The following UHRF1 variants were observed in gnomAD, a reference collection of about 807,000 sequenced individuals.
UHRF1 encodes the protein E3 ubiquitin-protein ligase UHRF1.
UHRF1 carries 9 observed loss-of-function variants against 96.5 expected under a neutral mutation model. That is an observed-to-expected ratio of 0.09 (90% CI 0.06 to 0.16). The LOEUF is 0.16. Among genes scored for constraint, UHRF1 ranks in the 10% least tolerant of loss-of-function variants. UHRF1 has a pLI of 1.00. For missense variants in UHRF1, 626 were observed against 1,131.1 expected (o/e 0.55, Z 6.40); for synonymous variants, 455 against 469.9 (o/e 0.97, Z 0.41).
rs530010244 is a variant in UHRF1 at position 4,947,519 on chromosome 19, T to G, written c.1517+308T>G. On this transcript the variant is annotated intron_variant, in intron 11 of 16. Transcript: ENST00000650932. The stretch of plus-strand genomic sequence containing the variant: ...TTTTTTTTTTTTTTTTTTTTTTTTT[T>G]GGGCAGAGTCTCGCTCTGTTGCCCA... 3.8e-4 allele frequency among the ~76,000 whole-genome samples: 50 copies of G among 132,122 alleles called. No homozygotes were observed. The South Asian group carries it at 7.0e-3, about 19-fold the overall frequency. The allele number at this position is 132,122 out of a possible 152,430, so 86.7% of individuals were successfully genotyped here.
At chr19:4,952,374 G>C (rs371229959) in intron 13 of UHRF1, among the ~76,000 whole-genome samples, 10 of 143,510 alleles carry the variant, frequency 7.0e-5, no homozygotes, top group Admixed American at 2.1e-4. Context: ...GATTACAGGC[G>C]TAAGCCACCG....
chr19:4,909,376 G>A, upstream of UHRF1: 1 of 609,522 alleles, frequency 1.6e-6, no homozygotes, highest in Admixed American at 2.7e-5. Context: ...AGGCGGGGGC[G>A]CCCCCCACCC....
chr19:4,945,837 T>G, intron 9 of UHRF1, 24 bp from the exon 10 acceptor site: 3 of 1,569,282 alleles, frequency 1.9e-6, no homozygotes, highest in Non-Finnish European at 2.6e-6. Context: ...GAGGACACCA[T>G]GTATATCTTG....
chr19:4,950,749 C>T lies in UHRF1; in HGVS notation c.1656C>T (p.Gly552=). Residue 552 remains glycine (G), a synonymous_variant, in exon 12 of 17, where the codon GGC becomes GGT. Transcript: ENST00000650932. ...ATAGCAAGTACGCCCCCGCTGAGGG[C>T]AACCGCTACGATGGCATCTACAAGG... is the stretch of plus-strand genomic sequence containing the variant. ...GKNSKYAPAE[G]NRYDGIYKVV... is the part of the protein sequence containing the mutation. 1 of 1,610,272 alleles carries T rather than the reference C, an allele frequency of 6.2e-7. No homozygotes were observed. The highest frequency in any genetic ancestry group is 8.5e-7 in the Non-Finnish European group (1 of 1,178,078).
At chr19:4,921,588 G>A (rs545552924) in intron 2 of UHRF1, among the ~76,000 whole-genome samples, 1 of 152,066 alleles carries the variant, frequency 6.6e-6, no homozygotes, top group Non-Finnish European at 1.5e-5. Flanking sequence ...AACCCTGTCT[G>A]TACAAAAAAT....
chr19:4,949,989 G>C (rs2033673533), intron 11 of UHRF1, among the ~76,000 whole-genome samples: 1 of 151,658 alleles, frequency 6.6e-6, no homozygotes, highest in Non-Finnish European at 1.5e-5. Context: ...TCCCACCTCA[G>C]CCTCCAGAGT....
intron 5 of UHRF1, among the ~76,000 whole-genome samples, chr19:4,936,831 AAAAAC>A (rs2033230576): frequency 2.6e-5 from 4 of 152,130 alleles, no homozygotes; most frequent in African/African-American, 9.6e-5. Context: ...GAAAAGAAAA[AAAAAC>A]AGGCTGTGTA....
At chr19:4,938,041 C>T (rs190057446) in intron 5 of UHRF1, among the ~76,000 whole-genome samples, 23 of 152,080 alleles carry the variant, frequency 1.5e-4, no homozygotes, top group African/African-American at 5.1e-4. Flanking sequence ...GCAGCCCCAG[C>T]TACTTGGGAG....
At chr19:4,927,485 G>T (rs2032910741) in intron 2 of UHRF1, among the ~76,000 whole-genome samples, 1 of 152,118 alleles carries the variant, frequency 6.6e-6, no homozygotes, top group African/African-American at 2.4e-5. Flanking sequence ...GCAGAGAAGG[G>T]CCTTGGCCTT....
At chr19:4,939,792 A>G (rs918019463) in intron 5 of UHRF1, among the ~76,000 whole-genome samples, 1 of 152,116 alleles carries the variant, frequency 6.6e-6, no homozygotes, top group African/African-American at 2.4e-5. Flanking sequence ...TGGGGGGCCG[A>G]GGTGGGCGGA....
At position 4,929,391 on chromosome 19, in the gene UHRF1, C is replaced by T; in HGVS notation, c.323C>T (p.Ser108Phe). The T allele has an allele frequency of 6.2e-7, 1 of 1,613,776 alleles. No individual in the cohort carries two copies. The highest frequency in any genetic ancestry group is 8.5e-7 in the Non-Finnish European group (1 of 1,179,880). The change falls in exon 3 of 17, where the codon TCC (serine) becomes TTC (phenylalanine). Residue 108 changes from serine to phenylalanine, a missense_variant. Transcript: ENST00000650932. ...GGCCAGAGTGAGTCAGACAAGTCCT[C>T]CACCCACGGTGAGGCGGCCGCCGAG... Reference protein sequence around the residue: ...CLGQSESDKSSTHGEAAAETD... With the variant: ...CLGQSESDKSFTHGEAAAETD...
At chr19:4,907,442 T>C (rs1224580126), upstream of UHRF1, among the ~76,000 whole-genome samples, 1 of 151,726 alleles carries the variant, frequency 6.6e-6, no homozygotes, top group Non-Finnish European at 1.5e-5. Flanking sequence ...CTAATTTTTG[T>C]ATTTTTAGTA....
At position 4,951,006 on chromosome 19, in the gene UHRF1, G is replaced by T. The variant is rs1266215852; in HGVS notation, c.1818+10G>T. On this transcript the variant is annotated intron_variant, in intron 13 of 16. Coordinates refer to ENST00000650932, the MANE Select transcript of UHRF1 (RefSeq NM_001048201.3). The stretch of plus-strand genomic sequence containing the variant: ...GGGGCTGACCATGCAGGTGTGTCTG[G>T]GATGGGGGATGGCACTTTGGGAGGC... The T allele has an allele frequency of 5.0e-6, 8 of 1,593,760 alleles. No individual in the cohort carries two copies. The highest frequency in any genetic ancestry group is 6.8e-6 in the Non-Finnish European group (8 of 1,171,670).
rs754147829 is a variant in UHRF1, at chr19:4,930,834, C to T, written c.527C>T (p.Pro176Leu). Residue 176 changes from proline (P) to leucine (L), a missense_variant, in exon 4 of 17, where the codon CCG becomes CTG. Physicochemically the swap from Pro to Leu is moderately conservative, Grantham distance 98. This residue lies in a region of UHRF1 where 198 missense variants were observed against 235.1 expected (regional missense o/e 0.84). Transcript: ENST00000650932. The surrounding 1 kb of genome is among the most constrained non-coding windows in gnomAD (Gnocchi z 4.4). The stretch of plus-strand genomic sequence containing the variant: ...GAGCCCTGCAGCTCCACGTCCAGGC[C>T]GGCGCTGGAGGAGGACGTCATTTAC... ...RDEPCSSTSR[P>L]ALEEDVIYHV... is the part of the protein sequence containing the mutation. 5 of 1,613,940 alleles carry T rather than the reference C, an allele frequency of 3.1e-6. No homozygotes were observed. The highest frequency in any genetic ancestry group is 1.1e-5 in the South Asian group (1 of 91,072).
intron 1 of UHRF1, chr19:4,910,237 G>A (rs2032203674): frequency 6.6e-6 from 1 of 150,906 alleles, no homozygotes; most frequent in South Asian, 2.1e-4. Flanking sequence ...GCCGGGGGTT[G>A]GAGGTCGAGG....
At position 4,951,090 on chromosome 19, in the gene UHRF1, A is replaced by G. The variant is rs1202917068; in HGVS notation, c.1818+94A>G. ...AGACCAGCCTGGCCAACATGGTGAAACCTCATCTCTACTAAAAATACAAAA... is the reference window on the plus strand; with the variant it reads ...AGACCAGCCTGGCCAACATGGTGAAGCCTCATCTCTACTAAAAATACAAAA... On this transcript the variant is annotated intron_variant, in intron 13 of 16. Transcript: ENST00000650932. 13 of 1,419,114 alleles carry G rather than the reference A, an allele frequency of 9.2e-6. No homozygotes were observed. In the South Asian group the frequency reaches 1.0e-4, roughly 11 times the overall value. 87.9% of individuals were successfully genotyped at this position (1,419,114 alleles called of 1,614,324 possible). A position where few individuals can be genotyped will look rare whatever the true frequency, so the allele number is the denominator to read the frequency against.
intron 7 of UHRF1, among the ~76,000 whole-genome samples, chr19:4,942,228 T>A (rs1360996213): frequency 6.6e-6 from 1 of 151,986 alleles, no homozygotes; most frequent in African/African-American, 2.4e-5. Context: ...AGTCTCGCTG[T>A]CTCCCAGGCT....
At chr19:4,912,647 G>T (rs560376599) in intron 2 of UHRF1, among the ~76,000 whole-genome samples, 3 of 152,220 alleles carry the variant, frequency 2.0e-5, no homozygotes, top group Admixed American at 1.3e-4. Context: ...CCATCTTTTT[G>T]GGATGCATTT....
Position 4,950,636 on chromosome 19 carries a change from C to T in UHRF1, c.1543C>T (p.Pro515Ser). Reference protein sequence around the residue: ...NRALALNCFAPINDQEGAEAK... With the variant: ...NRALALNCFASINDQEGAEAK... ...GGCGCTGGCTCTCAACTGCTTTGCTCCCATCAATGACCAAGAAGGGGCCGA... is the reference window on the plus strand; with the variant it reads ...GGCGCTGGCTCTCAACTGCTTTGCTTCCATCAATGACCAAGAAGGGGCCGA... The change falls in exon 12 of 17, where the codon CCC becomes TCC. Residue 515 changes from proline to serine, a missense_variant. Coordinates refer to ENST00000650932, the MANE Select transcript of UHRF1 (RefSeq NM_001048201.3). The T allele has an allele frequency of 6.2e-7, 1 of 1,612,640 alleles. No individual in the cohort carries two copies. Among genetic ancestry groups the T allele is most frequent in the Non-Finnish European group, 8.5e-7 (1 of 1,179,702 alleles).
Sources: gnomAD v4.1 joint callset for allele counts (sites outside exome capture counted in the v4.1 genomes callset) on GRCh38, gnomAD v4.1.1 for gene constraint, gnomAD v4.1.1 regional missense constraint, Gnocchi (gnomAD v3.1) non-coding constraint, MANE v1.5 for transcripts, NCBI Gene and HGNC (gene_info 2026-07-23, HGNC 2026-07-21) for gene names.